NCAPG2: variants seen among roughly 807,000 people sequenced by gnomAD.
The protein encoded by NCAPG2 is non-SMC condensin II complex subunit G2.
In NCAPG2, 53 loss-of-function variants were observed where a neutral mutation model predicts 141.1. The ratio of observed to expected loss-of-function variants is 0.38; its 90% CI spans 0.30 to 0.47. The LOEUF (loss-of-function observed/expected upper bound fraction) is 0.47, where lower values mean the gene tolerates loss of function less well. Among genes scored for constraint, NCAPG2 ranks in the 20% least tolerant of loss-of-function variants. NCAPG2 has a pLI of 0.99. For missense variants in NCAPG2, 1,087 were observed against 1,389.0 expected, an observed-to-expected ratio of 0.78 and a Z score of 3.46; for synonymous variants, 499 against 490.7, an observed-to-expected ratio of 1.02 and a Z score of -0.22.
rs2129460099 is a variant in NCAPG2 at position 158,662,501 on chromosome 7, A to G, written c.1816-134T>C. The G allele has an allele frequency of 1.4e-5, 10 of 736,128 alleles. No homozygotes were observed. In the East Asian group the frequency reaches 2.5e-4, roughly 18 times the overall value. The allele number at this position is 736,128 out of a possible 1,614,324, so 45.6% of individuals were successfully genotyped here. A position where few individuals can be genotyped will look rare whatever the true frequency, so the allele number is the denominator to read the frequency against. Reference sequence around the variant, plus strand: ...CTTACTTTCACGTCTTCTACTCTCCACTTTAGAATCTTCTAGGGAGGTAAA... The same window carrying G: ...CTTACTTTCACGTCTTCTACTCTCCGCTTTAGAATCTTCTAGGGAGGTAAA... On this transcript the variant is annotated intron_variant, in intron 15 of 27. Transcript: ENST00000356309.
At chr7:158,667,305 C>G (rs914365474) in intron 13 of NCAPG2, 1 of 521,444 alleles carries the variant, frequency 1.9e-6, no homozygotes. Context: ...CCTCCTCCAC[C>G]CTTAGCCGCT....
At chr7:158,654,799 C>T in intron 21 of NCAPG2, 105 bp from the exon 22 acceptor site, 1 of 1,449,642 alleles carries the variant, frequency 6.9e-7, no homozygotes, top group Non-Finnish European at 9.1e-7. Context: ...TCTTATAAAG[C>T]AGATTTTTAT....
At chr7:158,637,390 CG>C (rs1830299013) in intron 27 of NCAPG2, among the ~76,000 whole-genome samples, 1 of 151,818 alleles carries the variant, frequency 6.6e-6, no homozygotes, top group Non-Finnish European at 1.5e-5. Flanking sequence ...GTCCCATCAC[CG>C]TGGGGTGCTG....
At chr7:158,704,179 G>A (rs1836002261) in intron 1 of NCAPG2, among the ~76,000 whole-genome samples, 1 of 148,346 alleles carries the variant, frequency 6.7e-6, no homozygotes, top group South Asian at 2.2e-4. Flanking sequence ...TCTGAGGGCA[G>A]TGCCCATGCT....
At chr7:158,654,842 T>TA in intron 21 of NCAPG2, 148 bp from the exon 22 acceptor site, 1 of 1,369,448 alleles carries the variant, frequency 7.3e-7, no homozygotes, top group Non-Finnish European at 9.5e-7. Context: ...TTCATAAAGA[T>TA]ACATTAATTC....
chr7:158,662,500 C>T (rs1401229491), intron 15 of NCAPG2, 133 bp from the exon 16 acceptor site: 3 of 744,876 alleles, frequency 4.0e-6, no homozygotes, highest in Non-Finnish European at 6.0e-6. Context: ...TTCTACTCTC[C>T]ACTTTAGAAT....
chr7:158,657,174 C>T (rs532061540), intron 17 of NCAPG2, among the ~76,000 whole-genome samples: 2 of 152,342 alleles, frequency 1.3e-5, no homozygotes, highest in African/African-American at 4.8e-5. Context: ...CTAGTACCCA[C>T]ATTTGAAAAC....
At chr7:158,660,118 T>C (rs1312803883) in intron 16 of NCAPG2, among the ~76,000 whole-genome samples, 1 of 149,404 alleles carries the variant, frequency 6.7e-6, no homozygotes, top group African/African-American at 2.5e-5. Context: ...AAAAAGAAAA[T>C]ATCTCGTTAA....
intron 16 of NCAPG2, among the ~76,000 whole-genome samples, chr7:158,661,285 C>T (rs915148625): frequency 3.9e-5 from 6 of 152,146 alleles, no homozygotes; most frequent in Admixed American, 2.0e-4. Context: ...ATAAGACCTA[C>T]GATCTTTCTA....
Position 158,671,531 on chromosome 7 carries a change from C to T in NCAPG2, c.1462G>A (p.Ala488Thr), listed in dbSNP as rs1833681523. ...CATCCTACCTTAGCAGCCCTCACAG[C>T]TTTGATCTTCAACAGCATGTCCACA... Reference protein sequence around the residue: ...AFVDMLLKIKAVRAAKFWKIC... With the variant: ...AFVDMLLKIKTVRAAKFWKIC... The change falls in exon 13 of 28, where the codon GCT becomes ACT. Residue 488 changes from alanine to threonine, a missense_variant. Coordinates refer to ENST00000356309, the MANE Select transcript of NCAPG2 (RefSeq NM_017760.7). The T allele has an allele frequency of 6.2e-7, 1 of 1,614,094 alleles. No individual in the cohort carries two copies. Among genetic ancestry groups the T allele is most frequent in the African/African-American group, 1.3e-5 (1 of 74,954 alleles).
intron 1 of NCAPG2, among the ~76,000 whole-genome samples, chr7:158,703,111 C>A (rs1306840464): frequency 1.3e-5 from 2 of 152,200 alleles, no homozygotes; most frequent in Non-Finnish European, 2.9e-5. Context: ...GGCTACACCT[C>A]TAGGTGTAGG....
At chr7:158,696,205 C>T (rs1460773584) in intron 2 of NCAPG2, 5 of 152,278 alleles carry the variant, frequency 3.3e-5, no homozygotes, top group Non-Finnish European at 5.9e-5. Flanking sequence ...ATGAGGTCTC[C>T]CTCTGCAGTC....
At chr7:158,704,468 G>T (rs1370445741) in intron 1 of NCAPG2, among the ~76,000 whole-genome samples, 2 of 152,064 alleles carry the variant, frequency 1.3e-5, no homozygotes, top group East Asian at 3.9e-4. Context: ...GGCAGTGCCC[G>T]CGCCCGGGGC....
At chr7:158,688,382 T>C (rs994915470) in intron 6 of NCAPG2, among the ~76,000 whole-genome samples, 1 of 152,264 alleles carries the variant, frequency 6.6e-6, no homozygotes. Context: ...ATGTCTGTTA[T>C]ATATCTGCAC....
intron 2 of NCAPG2, among the ~76,000 whole-genome samples, chr7:158,698,688 G>A (rs1446744443): frequency 6.6e-6 from 1 of 152,114 alleles, no homozygotes; most frequent in African/African-American, 2.4e-5. Flanking sequence ...AGAGTCATGT[G>A]ACTGTACCAA....
At position 158,664,545 on chromosome 7, in the gene NCAPG2, G is replaced by A. The variant is rs747370128; in HGVS notation, c.1685C>T (p.Thr562Ile). 4.3e-6 allele frequency: 7 copies of A among 1,614,102 alleles called. No homozygotes were observed. The highest frequency in any genetic ancestry group is 3.3e-4 in the Middle Eastern group (2 of 6,048). Residue 562 changes from threonine (T) to isoleucine (I), a missense_variant, in exon 14 of 28, where the codon ACC becomes ATC. Thr to Ile is a moderately conservative substitution (Grantham distance 89). Transcript: ENST00000356309. ...CTCCCTACCTATGTTGGTGCAGGCGGTGTGTTCGTGGGCGTACTGATAGAA... is the reference window on the plus strand; with the variant it reads ...CTCCCTACCTATGTTGGTGCAGGCGATGTGTTCGTGGGCGTACTGATAGAA... ...RRFYQYAHEH[T>I]ACTNIAKLIH...
At chr7:158,671,040 ATC>A (rs1017669801) in intron 13 of NCAPG2, among the ~76,000 whole-genome samples, 3 of 137,722 alleles carry the variant, frequency 2.2e-5, no homozygotes, top group Non-Finnish European at 4.6e-5. Context: ...CAAAACGCAC[ATC>A]TCTCATAAAG....
chr7:158,672,284 G>GTATATATA (rs1833744549), intron 12 of NCAPG2, among the ~76,000 whole-genome samples: 1 of 70,728 alleles, frequency 1.4e-5, no homozygotes, highest in African/African-American at 6.4e-5. Flanking sequence ...ACACATGTGT[G>GTATATATA]TGTGTGTGTA....
chr7:158,666,115 G>A (rs1332077847), intron 13 of NCAPG2, among the ~76,000 whole-genome samples: 1 of 152,202 alleles, frequency 6.6e-6, no homozygotes, highest in Non-Finnish European at 1.5e-5. Flanking sequence ...CCTGACTGAA[G>A]CCTTGGAAAT....
Sources: gnomAD v4.1 joint callset for allele counts (sites outside exome capture counted in the v4.1 genomes callset) on GRCh38, gnomAD v4.1.1 for gene constraint, MANE v1.5 for transcripts, NCBI Gene and HGNC (gene_info 2026-07-23, HGNC 2026-07-21) for gene names.